ZNF75D: variants seen among roughly 807,000 people sequenced by gnomAD.
ZNF75D encodes the protein zinc finger protein 75D, also known as zinc finger protein 75.
ZNF75D carries 33 observed loss-of-function variants against 33.3 expected under a neutral mutation model. The ratio of observed to expected loss-of-function variants is 0.99; its 90% CI spans 0.75 to 1.32. ZNF75D has a LOEUF of 1.32. Among genes scored for constraint, ZNF75D ranks in the 40% most tolerant of loss-of-function variants. The pLI is 0.00. For synonymous variants in ZNF75D, 113 were observed against 130.6 expected, an observed-to-expected ratio of 0.87 and a Z score of 0.92; for missense variants, 338 against 367.5, an observed-to-expected ratio of 0.92 and a Z score of 0.66.
At chrX:135,295,517 G>C (rs2084113246) in intron 2 of ZNF75D, among the ~76,000 whole-genome samples, 1 of 112,091 alleles carries the variant, frequency 8.9e-6, no homozygotes, top group Non-Finnish European at 1.9e-5. Flanking sequence ...GAAAGAAGTT[G>C]CTTCCATAGG....
At chrX:135,265,877 T>A (rs914141448) in intron 1 of ZNF75D, among the ~76,000 whole-genome samples, 2 of 111,816 alleles carry the variant, frequency 1.8e-5, no homozygotes, top group Non-Finnish European at 3.8e-5. Flanking sequence ...GACTAAATGA[T>A]GAATGAAAGA....
chrX:135,331,465 G>A (rs991440542), intron 1 of ZNF75D, among the ~76,000 whole-genome samples: 3 of 110,157 alleles, frequency 2.7e-5, no homozygotes, highest in African/African-American at 9.9e-5. Flanking sequence ...GAATTATGTA[G>A]GCAATTGGTC....
chrX:135,307,277 C>T (rs1158206782), intron 1 of ZNF75D, among the ~76,000 whole-genome samples: 4 of 111,727 alleles, frequency 3.6e-5, no homozygotes, highest in Admixed American at 9.5e-5. Flanking sequence ...AGCCTTCCTT[C>T]CCTGCCACTC....
chrX:135,334,499 T>G (rs2084686772), intron 1 of ZNF75D, among the ~76,000 whole-genome samples: 1 of 111,787 alleles, frequency 8.9e-6, no homozygotes, highest in Non-Finnish European at 1.9e-5. Flanking sequence ...TCCCAAAGGC[T>G]CTCAAAGAAA....
chrX:135,262,612 G>A (rs1189210567), intron 1 of ZNF75D, among the ~76,000 whole-genome samples: 1 of 111,758 alleles, frequency 8.9e-6, no homozygotes, highest in African/African-American at 3.3e-5. Context: ...CATAAATCAC[G>A]AAGTTCTCAT....
chrX:135,249,501 C>A (rs781912376), intron 3 of ZNF75D, among the ~76,000 whole-genome samples: 4 of 107,515 alleles, frequency 3.7e-5, no homozygotes, highest in Non-Finnish European at 7.8e-5. Context: ...TTTCTAGAAT[C>A]TCTTCGTTGG....
chrX:135,293,654 C>A (rs2084080659), intron 3 of ZNF75D, 76 bp downstream of exon 3: 2 of 996,406 alleles, frequency 2.0e-6, no homozygotes, highest in South Asian at 2.5e-5. Context: ...CTGTCTAATT[C>A]TCTGATAACT....
At chrX:135,322,971 A>G (rs2084515919) in intron 1 of ZNF75D, among the ~76,000 whole-genome samples, 1 of 112,621 alleles carries the variant, frequency 8.9e-6, no homozygotes, top group Non-Finnish European at 1.9e-5. Context: ...GATTAAGGAC[A>G]TGAAGGTTTA....
intron 1 of ZNF75D, among the ~76,000 whole-genome samples, chrX:135,337,184 TTTC>T (rs1556442675): frequency 8.9e-6 from 1 of 112,570 alleles, no homozygotes; most frequent in African/African-American, 3.2e-5. Flanking sequence ...TTTGCTTTAT[TTTC>T]TTCTTGTCCT....
At position 135,299,710 on chromosome X, in the gene ZNF75D, C is replaced by T. The variant is rs782161071; in HGVS notation, c.-390-3671G>A. On this transcript the variant is annotated intron_variant, in intron 1 of 6. Coordinates refer to ENST00000370766, the MANE Select transcript of ZNF75D (RefSeq NM_007131.5). ...CCTAATCCAAGGGCACAAACATTTA[C>T]ACCTGTGTTTTCTTTTAGACGTTTT... Among the ~76,000 whole-genome samples, 11 of 112,381 alleles carry T rather than the reference C, an allele frequency of 9.8e-5. No individual in the cohort carries two copies. In the South Asian group the frequency reaches 3.6e-3, roughly 37 times the overall value.
rs974174682 is a variant in ZNF75D, at chrX:135,296,056, C to G, written c.-390-17G>C. 9.0e-6 allele frequency: 1 copy of G among 111,085 alleles called. No homozygotes were observed. The highest frequency in any genetic ancestry group is 1.9e-5 in the Non-Finnish European group (1 of 52,964). 9.2% of individuals were successfully genotyped at this position (111,085 alleles called of 1,213,427 possible). A position where few individuals can be genotyped will look rare whatever the true frequency, so the allele number is the denominator to read the frequency against. ...TCTGTGGACCTGAACCGGAATCAACCAGAAAATGAAAGATGCATTTCCGGT... is the reference window on the plus strand; with the variant it reads ...TCTGTGGACCTGAACCGGAATCAACGAGAAAATGAAAGATGCATTTCCGGT... On this transcript the variant is annotated splice_polypyrimidine_tract_variant and intron_variant, in intron 1 of 6. Transcript: ENST00000370766.
intron 1 of ZNF75D, among the ~76,000 whole-genome samples, chrX:135,300,385 C>T (rs977354970): frequency 8.9e-6 from 1 of 111,836 alleles, no homozygotes; most frequent in Non-Finnish European, 1.9e-5. Context: ...AAATTGACAG[C>T]TCAGGGCCAA....
chrX:135,270,370 T>TG (rs1407247886), intron 1 of ZNF75D, among the ~76,000 whole-genome samples: 3 of 91,252 alleles, frequency 3.3e-5, no homozygotes, highest in Non-Finnish European at 6.8e-5. Flanking sequence ...TATATATATA[T>TG]ATATATATAT....
At chrX:135,270,382 TATATATATATACAC>T (rs2083878681) in intron 1 of ZNF75D, among the ~76,000 whole-genome samples, 3 of 70,121 alleles carry the variant, frequency 4.3e-5, no homozygotes, top group Non-Finnish European at 8.0e-5. Flanking sequence ...TATATATATA[TATATATATATACAC>T]ATATTTATAC....
At chrX:135,273,946 T>C (rs890734911) in intron 1 of ZNF75D, among the ~76,000 whole-genome samples, 1 of 111,829 alleles carries the variant, frequency 8.9e-6, no homozygotes, top group East Asian at 2.8e-4. Context: ...TTGGTGCCAG[T>C]GTTCTTTGGA....
chrX:135,281,724 T>C (rs933908442), downstream of ZNF75D, among the ~76,000 whole-genome samples: 6 of 112,419 alleles, frequency 5.3e-5, no homozygotes, highest in Non-Finnish European at 7.5e-5. Flanking sequence ...GTTTGTTAGT[T>C]TTCCTTCTAA....
In ZNF75D at chrX:135,306,288, T is replaced by TACACACACACAC. The variant is rs57049630; in HGVS notation, c.-390-10261_-390-10250dup. On this transcript the variant is annotated intron_variant, in intron 1 of 6. Coordinates refer to ENST00000370766, the MANE Select transcript of ZNF75D (RefSeq NM_007131.5). The stretch of plus-strand genomic sequence containing the variant: ...AGGAAGACAGGACAACAGAGATACA[T>TACACACACACAC]ACACACACACACACACACACACACA... Among the ~76,000 whole-genome samples the TACACACACACAC allele has an allele frequency of 1.5e-3, 124 of 83,229 alleles. 2 individuals carry two copies. Among genetic ancestry groups the TACACACACACAC allele is most frequent in the Admixed American group, 0.011 (78 of 7,355 alleles). 72.3% of individuals were successfully genotyped at this position (83,229 alleles called of 115,157 possible). A position where few individuals can be genotyped will look rare whatever the true frequency, so the allele number is the denominator to read the frequency against.
chrX:135,336,012 T>G (rs888890250), intron 1 of ZNF75D, among the ~76,000 whole-genome samples: 10 of 112,514 alleles, frequency 8.9e-5, no homozygotes, highest in Admixed American at 3.7e-4. Flanking sequence ...GTAACCTTTT[T>G]GTTACTGTGG....
chrX:135,290,933 CA>C, intron 6 of ZNF75D, 75 bp downstream of exon 6: 1 of 997,669 alleles, frequency 1.0e-6, no homozygotes, highest in Non-Finnish European at 1.4e-6. Context: ...GACTCTCTCA[CA>C]GGGGTGCATT....
Sources: gnomAD v4.1 joint callset for allele counts (sites outside exome capture counted in the v4.1 genomes callset) on GRCh38, gnomAD v4.1.1 for gene constraint, MANE v1.5 for transcripts, NCBI Gene and HGNC (gene_info 2026-07-23, HGNC 2026-07-21) for gene names.